DRC11: variants seen among roughly 807,000 people sequenced by gnomAD.
DRC11 encodes IQ and AAA domain-containing protein 1.
the DRC11 span, among the ~76,000 whole-genome samples, chr2:236,386,375 C>T: frequency 6.6e-6 from 1 of 152,204 alleles, no homozygotes; most frequent in East Asian, 1.9e-4. Flanking sequence ...TCAACTTCTT[C>T]CTGGTTTAGT....
chr2:236,437,769 G>A, the DRC11 span, among the ~76,000 whole-genome samples: 1 of 152,252 alleles, frequency 6.6e-6, no homozygotes, highest in East Asian at 1.9e-4. Flanking sequence ...CATATCCTTT[G>A]CCCACTTTTT....
chr2:236,379,309 G>A, the DRC11 span, among the ~76,000 whole-genome samples: 2 of 113,796 alleles, frequency 1.8e-5, no homozygotes, highest in Admixed American at 1.6e-4. Context: ...CCCAAACAGG[G>A]GAGCGACAGG....
the DRC11 span, among the ~76,000 whole-genome samples, chr2:236,360,655 T>A: frequency 3.3e-5 from 5 of 152,168 alleles, no homozygotes; most frequent in Non-Finnish European, 5.9e-5. This position sits in a 1 kb window ranked among gnomAD's most constrained non-coding sequence, Gnocchi z 5.8. Context: ...TGGCTAACTT[T>A]AGATGTGTGC....
chr2:236,457,134 C>A, the DRC11 span, among the ~76,000 whole-genome samples: 1 of 152,210 alleles, frequency 6.6e-6, no homozygotes, highest in African/African-American at 2.4e-5. This position sits in a 1 kb window ranked among gnomAD's most constrained non-coding sequence, Gnocchi z 4.7. Context: ...CAGTTCAAGC[C>A]ATGAGAAATA....
the DRC11 span, among the ~76,000 whole-genome samples, chr2:236,350,315 C>T: frequency 4.6e-5 from 7 of 152,186 alleles, no homozygotes; most frequent in Non-Finnish European, 1.0e-4. The surrounding 1 kb of genome is among the most constrained non-coding windows in gnomAD (Gnocchi z 5.2). Context: ...AGGAATTGCT[C>T]TCCCTAGTTC....
At chr2:236,490,968 GTATA>G in the DRC11 span, among the ~76,000 whole-genome samples, 2 of 143,518 alleles carry the variant, frequency 1.4e-5, no homozygotes, top group African/African-American at 5.2e-5. This position sits in a 1 kb window ranked among gnomAD's most constrained non-coding sequence, Gnocchi z 5.5. Context: ...GTATATATGT[GTATA>G]TATATACAGT....
chr2:236,467,782 G>A, the DRC11 span, among the ~76,000 whole-genome samples: 1 of 152,100 alleles, frequency 6.6e-6, no homozygotes, highest in African/African-American at 2.4e-5. Context: ...TATAAACTTA[G>A]ATCAATTACT....
the DRC11 span, chr2:236,507,422 C>G: frequency 1.4e-6 from 1 of 734,282 alleles, no homozygotes; most frequent in Non-Finnish European, 2.3e-6. Flanking sequence ...CGAGAATCTT[C>G]TGCTTCGGGC....
chr2:236,411,185 CA>C, the DRC11 span, among the ~76,000 whole-genome samples: 1 of 151,828 alleles, frequency 6.6e-6, no homozygotes, highest in Non-Finnish European at 1.5e-5. Context: ...ACAATGAACT[CA>C]AACAAATTTA....
chr2:236,375,330 T>C, the DRC11 span, among the ~76,000 whole-genome samples: 3 of 152,268 alleles, frequency 2.0e-5, no homozygotes, highest in East Asian at 1.9e-4. This position sits in a 1 kb window ranked among gnomAD's most constrained non-coding sequence, Gnocchi z 4.2. Flanking sequence ...AGTCCGCACA[T>C]AGGTAATGAG....
At chr2:236,333,898 A>G in the DRC11 span, among the ~76,000 whole-genome samples, 1 of 152,312 alleles carries the variant, frequency 6.6e-6, no homozygotes, top group Admixed American at 6.5e-5. This position sits in a 1 kb window ranked among gnomAD's most constrained non-coding sequence, Gnocchi z 6.0. Flanking sequence ...ACAATTAGGC[A>G]TCAAGGCTTT....
At chr2:236,379,947 A>G in the DRC11 span, among the ~76,000 whole-genome samples, 5 of 152,286 alleles carry the variant, frequency 3.3e-5, no homozygotes, top group African/African-American at 1.2e-4. Flanking sequence ...CATTAATAAG[A>G]CCTATGGGAA....
chr2:236,434,265 T>C, the DRC11 span, among the ~76,000 whole-genome samples: 1 of 152,230 alleles, frequency 6.6e-6, no homozygotes, highest in East Asian at 1.9e-4. The surrounding 1 kb of genome is among the most constrained non-coding windows in gnomAD (Gnocchi z 5.5). Flanking sequence ...GCTCGTTTCA[T>C]AAAAAGTATT....
At chr2:236,428,078 A>G in the DRC11 span, among the ~76,000 whole-genome samples, 3 of 152,284 alleles carry the variant, frequency 2.0e-5, no homozygotes, top group South Asian at 4.1e-4. Flanking sequence ...GTTTCACACC[A>G]TTGCAGTCTG....
the DRC11 span, among the ~76,000 whole-genome samples, chr2:236,428,544 TA>T: frequency 3.3e-5 from 5 of 152,308 alleles, no homozygotes; most frequent in African/African-American, 1.2e-4. Flanking sequence ...CTGACATGAT[TA>T]TAGTTACCCC....
At chr2:236,348,658 C>T in the DRC11 span, among the ~76,000 whole-genome samples, 4 of 152,166 alleles carry the variant, frequency 2.6e-5, no homozygotes, top group African/African-American at 4.8e-5. This position sits in a 1 kb window ranked among gnomAD's most constrained non-coding sequence, Gnocchi z 7.4. Context: ...GTACGACCTC[C>T]GGGTCTCAGC....
chr2:236,437,764 C>T, the DRC11 span, among the ~76,000 whole-genome samples: 3 of 152,126 alleles, frequency 2.0e-5, no homozygotes, highest in Non-Finnish European at 2.9e-5. Context: ...CTGTTCATAT[C>T]CTTTGCCCAC....
At chr2:236,443,538 C>T in the DRC11 span, among the ~76,000 whole-genome samples, 1 of 152,206 alleles carries the variant, frequency 6.6e-6, no homozygotes, top group Non-Finnish European at 1.5e-5. The surrounding 1 kb of genome is among the most constrained non-coding windows in gnomAD (Gnocchi z 4.4). Flanking sequence ...CCAGCTCCAT[C>T]CATGTCCCTG....
the DRC11 span, among the ~76,000 whole-genome samples, chr2:236,397,670 CAAAG>C: frequency 3.9e-5 from 6 of 152,334 alleles, no homozygotes; most frequent in Non-Finnish European, 7.4e-5. The surrounding 1 kb of genome is among the most constrained non-coding windows in gnomAD (Gnocchi z 5.0). Context: ...TGATGATATG[CAAAG>C]CAGAGTCTTA....
Sources: gnomAD v4.1 joint callset for allele counts (sites outside exome capture counted in the v4.1 genomes callset) on GRCh38, gnomAD v4.1.1 for gene constraint, Gnocchi (gnomAD v3.1) non-coding constraint, MANE v1.5 for transcripts, NCBI Gene and HGNC (gene_info 2026-07-23, HGNC 2026-07-21) for gene names.